SUSD1: variants seen among roughly 807,000 people sequenced by gnomAD.
The protein encoded by SUSD1 is sushi domain containing 1.
Under a neutral mutation model 86.9 loss-of-function variants are expected in SUSD1, and 65 were observed. The observed-to-expected ratio is 0.75, with a 90% CI of 0.61 to 0.92. The LOEUF is 0.92. Ranked by LOEUF, SUSD1 falls within the 40% of genes least tolerant of loss-of-function variation. The pLI, the probability that SUSD1 is intolerant of heterozygous loss-of-function variation, is 0.00. For missense variants in SUSD1, 850 were observed against 929.7 expected (o/e 0.91, Z 1.11); for synonymous variants, 346 against 350.0 (o/e 0.99, Z 0.13).
chr9:112,065,934 A>G (rs1828956179), intron 12 of SUSD1, among the ~76,000 whole-genome samples: 1 of 152,250 alleles, frequency 6.6e-6, no homozygotes, highest in Non-Finnish European at 1.5e-5. Flanking sequence ...CACTTGAGCT[A>G]CTAGTTGCCA....
At chr9:112,074,620 A>C (rs933559537) in intron 12 of SUSD1, among the ~76,000 whole-genome samples, 6 of 152,184 alleles carry the variant, frequency 3.9e-5, no homozygotes, top group Non-Finnish European at 8.8e-5. Context: ...CCTTCTGGGA[A>C]ATGAGCAGCT....
intron 7 of SUSD1, 43 bp downstream of exon 7, chr9:112,112,728 G>T: frequency 7.6e-7 from 1 of 1,314,084 alleles, no homozygotes; most frequent in South Asian, 1.2e-5. Flanking sequence ...TCCCATGGGT[G>T]ACGTGTCTGT....
chr9:112,138,255 A>ATATG (rs1832383872), intron 5 of SUSD1, among the ~76,000 whole-genome samples: 1 of 101,020 alleles, frequency 9.9e-6, no homozygotes, highest in African/African-American at 4.2e-5. Flanking sequence ...ATATATATAT[A>ATATG]TGTGTATATA....
At chr9:112,147,712 T>C (rs1202597306) in intron 3 of SUSD1, among the ~76,000 whole-genome samples, 1 of 152,134 alleles carries the variant, frequency 6.6e-6, no homozygotes, top group African/African-American at 2.4e-5. Flanking sequence ...GAGCCTGCAG[T>C]GAGCCGAGAT....
At position 112,098,461 on chromosome 9, in the gene SUSD1, T is replaced by TAC; in HGVS notation, c.1474+7_1474+8dup. The stretch of plus-strand genomic sequence containing the variant: ...CTGAGGCACAAAAAAGAAAGACGTC[T>TAC]ACACCCACCTGCTGGGGGAGTTGCT... On this transcript the variant is annotated intron_variant, in intron 10 of 16. Transcript: ENST00000374270. 1 of 1,613,636 alleles carries TAC rather than the reference T, an allele frequency of 6.2e-7. No individual in the cohort carries two copies. The highest frequency in any genetic ancestry group is 8.5e-7 in the Non-Finnish European group (1 of 1,179,638).
chr9:112,130,610 G>C (rs1831986642), intron 5 of SUSD1, among the ~76,000 whole-genome samples: 1 of 149,652 alleles, frequency 6.7e-6, no homozygotes, highest in African/African-American at 2.5e-5. Flanking sequence ...GGAAAGGAAA[G>C]GAAGGAAAGG....
intron 8 of SUSD1, 81 bp from the exon 9 acceptor site, chr9:112,102,366 G>A: frequency 1.6e-6 from 1 of 633,858 alleles, no homozygotes; most frequent in Non-Finnish European, 2.6e-6. Context: ...GTGAAACTCT[G>A]ACACCTTAAG....
rs532543096 is a variant in SUSD1, at chr9:112,105,305, A to G, written c.1172-3020T>C. On this transcript the variant is annotated intron_variant, in intron 8 of 16. Coordinates refer to ENST00000374270, the MANE Select transcript of SUSD1 (RefSeq NM_022486.5). ...GGAAACCAGTGTGGACGAACAAGCA[A>G]TTCCACACAGGGGTATTTGAAGAGC... Among the ~76,000 whole-genome samples the G allele has an allele frequency of 1.6e-4, 25 of 152,302 alleles. No individual in the cohort carries two copies. In the South Asian group the frequency reaches 5.0e-3, roughly 30 times the overall value.
At chr9:112,118,158 G>A (rs1479521546) in intron 6 of SUSD1, among the ~76,000 whole-genome samples, 2 of 152,178 alleles carry the variant, frequency 1.3e-5, no homozygotes, top group African/African-American at 4.8e-5. Context: ...AGCAAGCTCA[G>A]CATCATTTCT....
chr9:112,087,222 A>C (rs2131580214), intron 10 of SUSD1, among the ~76,000 whole-genome samples: 1 of 152,224 alleles, frequency 6.6e-6, no homozygotes, highest in Non-Finnish European at 1.5e-5. Flanking sequence ...CCCAGGCTGG[A>C]GTGCAGTGGC....
intron 2 of SUSD1, among the ~76,000 whole-genome samples, chr9:112,155,994 GAGAA>G (rs532253691): frequency 1.6e-4 from 24 of 150,878 alleles, no homozygotes; most frequent in Middle Eastern, 3.4e-3. Flanking sequence ...GAAAGAAAGA[GAGAA>G]AGAAAGAAAG....
intron 2 of SUSD1, among the ~76,000 whole-genome samples, chr9:112,155,582 AT>A (rs199772671): frequency 6.6e-6 from 1 of 151,080 alleles, no homozygotes; most frequent in Non-Finnish European, 1.5e-5. Context: ...CTCAGTGGGG[AT>A]TTTTTTTTGG....
chr9:112,108,901 A>G (rs1830970485), intron 8 of SUSD1, among the ~76,000 whole-genome samples: 1 of 151,986 alleles, frequency 6.6e-6, no homozygotes, highest in South Asian at 2.1e-4. Flanking sequence ...AAACAATTTT[A>G]AAACCCAAGA....
intron 5 of SUSD1, among the ~76,000 whole-genome samples, chr9:112,131,673 A>G (rs1453337139): frequency 6.6e-6 from 1 of 152,224 alleles, no homozygotes; most frequent in Admixed American, 6.5e-5. Context: ...AACTCTTACT[A>G]TCACAAGGAA....
intron 15 of SUSD1, among the ~76,000 whole-genome samples, chr9:112,048,671 T>C (rs1828060169): frequency 6.6e-6 from 1 of 152,204 alleles, no homozygotes; most frequent in Admixed American, 6.5e-5. Context: ...TGCACACCCA[T>C]TGCTCTAAAA....
At chr9:112,173,049 T>C (rs1313959752) in intron 1 of SUSD1, among the ~76,000 whole-genome samples, 1 of 152,220 alleles carries the variant, frequency 6.6e-6, no homozygotes, top group East Asian at 1.9e-4. Flanking sequence ...TCAGCCATCT[T>C]AGTCTAACAA....
rs570453398 is a variant in SUSD1, at chr9:112,116,767, G to A, written c.887-3899C>T. Among the ~76,000 whole-genome samples, 3 of 152,334 alleles carry A rather than the reference G, an allele frequency of 2.0e-5. No individual in the cohort carries two copies. The South Asian group carries it at 6.2e-4, about 32-fold the overall frequency. On this transcript the variant is annotated intron_variant, in intron 6 of 16. Transcript: ENST00000374270. ...ACCCAGGGGGGAACCAGAGGAAAAA[G>A]GCAATGCAGAAGAGAGGCAGGAGGC...
At chr9:112,065,654 A>G (rs140746872) in intron 12 of SUSD1, among the ~76,000 whole-genome samples, 53 of 152,360 alleles carry the variant, frequency 3.5e-4, no homozygotes, top group African/African-American at 9.9e-4. Context: ...CAGAGAAGCT[A>G]GACTACAGTT....
At chr9:112,164,130 G>A (rs899836624) in intron 1 of SUSD1, among the ~76,000 whole-genome samples, 1 of 152,170 alleles carries the variant, frequency 6.6e-6, no homozygotes, top group Non-Finnish European at 1.5e-5. Context: ...GACTCACTCA[G>A]ATAAATTAAA....
Sources: allele counts gnomAD v4.1 joint callset (sites outside exome capture counted in the v4.1 genomes callset), GRCh38; gene constraint gnomAD v4.1.1; transcripts MANE v1.5; gene names NCBI Gene and HGNC (gene_info 2026-07-23, HGNC 2026-07-21).